TONSL: variants seen among roughly 807,000 people sequenced by gnomAD.
TONSL encodes the protein tonsoku-like protein.
In TONSL, 112 loss-of-function variants were observed where a neutral mutation model predicts 147.1. The observed-to-expected ratio is 0.76, with a 90% CI of 0.65 to 0.89. The LOEUF is 0.89. Ranked by LOEUF, TONSL falls within the 40% of genes least tolerant of loss-of-function variation. The pLI is 0.00. For synonymous variants in TONSL, 868 were observed against 801.5 expected, an observed-to-expected ratio of 1.08 and a Z score of -1.40; for missense variants, 1,883 against 1,864.6, an observed-to-expected ratio of 1.01 and a Z score of -0.18.
chr8:144,441,159 C>T (rs781167843), intron 7 of TONSL, 48 bp from the exon 8 acceptor site: 2 of 1,598,520 alleles, frequency 1.3e-6, no homozygotes, highest in South Asian at 2.2e-5. Context: ...GGGCCCTGAC[C>T]CCAGCTCTAC....
chr8:144,435,897 G>A lies in TONSL; in HGVS notation c.2536C>T (p.Arg846Cys), dbSNP rs552984347. Residue 846 changes from arginine (R) to cysteine (C), a missense_variant, in exon 17 of 26, where the codon CGC becomes TGC. Coordinates refer to ENST00000409379, the MANE Select transcript of TONSL (RefSeq NM_013432.5). ...LELDMPLTRSRRPRPRGTGDN... is the reference protein window; with the variant it reads ...LELDMPLTRSCRPRPRGTGDN... Reference sequence around the variant, plus strand: ...CCAGTGCCCCGGGGGCGGGGCCGGCGGCTGCGGGTCAGGGGCATGTCCAGC... The same window carrying A: ...CCAGTGCCCCGGGGGCGGGGCCGGCAGCTGCGGGTCAGGGGCATGTCCAGC... 24 of 1,596,286 alleles carry A rather than the reference G, an allele frequency of 1.5e-5. No individual in the cohort carries two copies. The East Asian group carries it at 2.0e-4, about 13-fold the overall frequency.
intron 16 of TONSL, 37 bp from the exon 17 acceptor site, chr8:144,436,455 G>T: frequency 6.5e-7 from 1 of 1,535,276 alleles, no homozygotes; most frequent in Non-Finnish European, 8.7e-7. Context: ...GCAGGGGCCC[G>T]GCACCTCCCG....
In TONSL at chr8:144,436,781, CG is replaced by C; in HGVS notation, c.1865del (p.Ala622GlyfsTer21). On this transcript the variant is annotated frameshift_variant, in exon 15 of 26. Transcript: ENST00000409379. LOFTEE classifies it high-confidence loss of function. Reference protein sequence around the residue: ...EVAELLLERGASVTLRTRKGL... With the variant: ...EVAELLLERGXSVTLRTRKGL... ...CCTTTCGAGTGCGGAGGGTGACGGA[CG>C]CCCCCCGTTCAAGCAGCAGCTCAGC... is the stretch of plus-strand genomic sequence containing the variant. 6.2e-7 allele frequency: 1 copy of C among 1,611,132 alleles called. No individual in the cohort carries two copies. Among genetic ancestry groups the C allele is most frequent in the South Asian group, 1.1e-5 (1 of 91,022 alleles).
rs1469360335 is a variant in TONSL at position 144,436,032 on chromosome 8, T to A, written c.2401A>T (p.Ser801Cys). 5 of 1,567,960 alleles carry A rather than the reference T, an allele frequency of 3.2e-6. No individual in the cohort carries two copies. Among genetic ancestry groups the A allele is most frequent in the Non-Finnish European group, 4.3e-6 (5 of 1,162,018 alleles). ...AYQAAIRGVG[S>C]AQSRLGPGPP... is the part of the protein sequence containing the mutation. The stretch of plus-strand genomic sequence containing the variant: ...CCAGGCCCCAGCCGGCTCTGAGCAC[T>A]GCCCACACCCCGGATGGCTGCCTGG... Residue 801 changes from serine to cysteine, a missense_variant, in exon 17 of 26, where the codon AGT becomes TGT. Transcript: ENST00000409379.
chr8:144,429,758 G>C (rs1823100382), intron 25 of TONSL, among the ~76,000 whole-genome samples: 1 of 152,164 alleles, frequency 6.6e-6, no homozygotes, highest in African/African-American at 2.4e-5. Flanking sequence ...TCTCACACCA[G>C]CACTCGGGGG....
At chr8:144,431,820 TTC>T (rs1447252919) in intron 23 of TONSL, among the ~76,000 whole-genome samples, 14 of 137,080 alleles carry the variant, frequency 1.0e-4, no homozygotes, top group African/African-American at 3.6e-4. Flanking sequence ...GCCTGTTTTT[TTC>T]TTTTTCTTTC....
At chr8:144,437,872 C>G (rs953357335) in intron 13 of TONSL, 1 of 157,532 alleles carries the variant, frequency 6.3e-6, no homozygotes, top group African/African-American at 2.4e-5. Flanking sequence ...TCCCAAAGTG[C>G]TAGGATTATA....
intron 25 of TONSL, 78 bp from the exon 26 acceptor site, chr8:144,429,414 C>T: frequency 1.5e-6 from 2 of 1,300,730 alleles, no homozygotes; most frequent in Non-Finnish European, 2.0e-6. Context: ...CTCCAGGGAA[C>T]AAACTCGCTT....
rs1205561108 is a variant in TONSL, at chr8:144,432,386, T to C, written c.3634A>G (p.Ser1212Gly). The change falls in exon 23 of 26, where the codon AGC becomes GGC. Residue 1212 changes from serine (S) to glycine (G), a missense_variant. Ser to Gly is a moderately conservative substitution (Grantham distance 56). Coordinates refer to ENST00000409379, the MANE Select transcript of TONSL (RefSeq NM_013432.5). ...GAPALARTLQSLPAGTLLHLE... is the reference protein window; with the variant it reads ...GAPALARTLQGLPAGTLLHLE... The stretch of plus-strand genomic sequence containing the variant: ...TGCAGGAGGGTGCCGGCGGGCAGGC[T>C]CTGCAGGGTCCTGGCCAGGGCAGGG... 8.1e-6 allele frequency: 13 copies of C among 1,611,314 alleles called. No homozygotes were observed. The highest frequency in any genetic ancestry group is 1.1e-5 in the Non-Finnish European group (13 of 1,178,990).
At position 144,436,300 on chromosome 8, in the gene TONSL, G is replaced by A. The variant is rs1251458949; in HGVS notation, c.2133C>T (p.Ala711=). Residue 711 remains alanine (A), a synonymous_variant, in exon 17 of 26, where the codon GCC becomes GCT. Transcript: ENST00000409379. Reference sequence around the variant, plus strand: ...GGGAGACCCTGACATGGGCCTGAGAGGCCTCTGGGAGTCTAGTGCTATTAG... The same window carrying A: ...GGGAGACCCTGACATGGGCCTGAGAAGCCTCTGGGAGTCTAGTGCTATTAG... ...PPSNSTRLPE[A]SQAHVRVSPG... 4.0e-6 allele frequency: 6 copies of A among 1,504,398 alleles called. No individual in the cohort carries two copies. The highest frequency in any genetic ancestry group is 1.4e-5 in the African/African-American group (1 of 71,954). The allele number at this position is 1,504,398 out of a possible 1,614,324, so 93.2% of individuals were successfully genotyped here. A position where few individuals can be genotyped will look rare whatever the true frequency, so the allele number is the denominator to read the frequency against.
rs144087630 is a variant in TONSL at position 144,434,175 on chromosome 8, G to C, written c.3190C>G (p.Arg1064Gly). 1 of 1,605,610 alleles carries C rather than the reference G, an allele frequency of 6.2e-7. No homozygotes were observed. Among genetic ancestry groups the C allele is most frequent in the Non-Finnish European group, 8.5e-7 (1 of 1,175,492 alleles). Residue 1064 changes from arginine (R) to glycine (G), a missense_variant, in exon 21 of 26, where the codon CGG becomes GGG. Physicochemically the swap from Arg to Gly is moderately radical, Grantham distance 125. Coordinates refer to ENST00000409379, the MANE Select transcript of TONSL (RefSeq NM_013432.5). ...LDQAQLTPLL[R>G]ALKLHTALRE... ...AGTGCTGTGTGCAGCTTGAGGGCCC[G>C]CAGCAGGGGTGTAAGCTGGGCCTGG...
rs757376878 is a variant in TONSL at position 144,434,907 on chromosome 8, G to T, written c.3007-18C>A. The T allele has an allele frequency of 1.9e-6, 3 of 1,613,098 alleles. No individual in the cohort carries two copies. The highest frequency in any genetic ancestry group is 1.7e-6 in the Non-Finnish European group (2 of 1,179,882). On this transcript the variant is annotated intron_variant, in intron 19 of 25. Coordinates refer to ENST00000409379, the MANE Select transcript of TONSL (RefSeq NM_013432.5). ...GCCAACACCTGGAAGGCACCGTCAT[G>T]AGCCACCTGGGGGCTCCCCCGGCTC...
At chr8:144,437,206 C>G (rs968641184) in intron 13 of TONSL, 107 bp from the exon 14 acceptor site, 5 of 1,139,034 alleles carry the variant, frequency 4.4e-6, no homozygotes, top group Middle Eastern at 5.0e-4. Flanking sequence ...GTCTTAGAGC[C>G]CAGAGCAAGT....
chr8:144,438,473 G>A lies in TONSL; in HGVS notation c.1651C>T (p.Gln551Ter), dbSNP rs1823562619. Reference sequence around the variant, plus strand: ...CCACGTCCCAGAGCGGGGCCCACCTGCCTCACAAGGTCCTGGACGCGGCGC... The same window carrying A: ...CCACGTCCCAGAGCGGGGCCCACCTACCTCACAAGGTCCTGGACGCGGCGC... The part of the protein sequence containing the change: ...QLRRVQDLVR[Q>*]GHPLNPRDYC... Residue 551 changes from glutamine to a stop codon, truncating the protein, a stop_gained and splice_region_variant, in exon 13 of 26, where the codon CAG (glutamine) becomes TAG (stop). Coordinates refer to ENST00000409379, the MANE Select transcript of TONSL (RefSeq NM_013432.5). LOFTEE classifies it high-confidence loss of function. 1 of 1,612,326 alleles carries A rather than the reference G, an allele frequency of 6.2e-7. No individual in the cohort carries two copies. The highest frequency in any genetic ancestry group is 1.1e-5 in the South Asian group (1 of 91,068).
At chr8:144,437,209 G>C (rs1272192620) in intron 13 of TONSL, 110 bp from the exon 14 acceptor site, 1 of 1,096,456 alleles carries the variant, frequency 9.1e-7, no homozygotes, top group African/African-American at 1.6e-5. Context: ...TTAGAGCCCA[G>C]AGCAAGTCCG....
rs762415067 is a variant in TONSL at position 144,442,669 on chromosome 8, G to A, written c.578+8C>T. ...TCCACTCCCTCCTGGGGCGGGGCAG[G>A]GCCTTACTCCGCAAGGAAGATGCTC... is the stretch of plus-strand genomic sequence containing the variant. On this transcript the variant is annotated splice_region_variant and intron_variant, in intron 5 of 25. Coordinates refer to ENST00000409379, the MANE Select transcript of TONSL (RefSeq NM_013432.5). 2 of 1,611,482 alleles carry A rather than the reference G, an allele frequency of 1.2e-6. No individual in the cohort carries two copies. Among genetic ancestry groups the A allele is most frequent in the East Asian group, 2.2e-5 (1 of 44,880 alleles).
At position 144,436,432 on chromosome 8, in the gene TONSL, A is replaced by C. The variant is rs1457370962; in HGVS notation, c.2015-14T>G. 2.0e-6 allele frequency: 3 copies of C among 1,522,372 alleles called. No individual in the cohort carries two copies. Among genetic ancestry groups the C allele is most frequent in the Non-Finnish European group, 2.6e-6 (3 of 1,139,718 alleles). The allele number at this position is 1,522,372 out of a possible 1,614,324, so 94.3% of individuals were successfully genotyped here. On this transcript the variant is annotated splice_polypyrimidine_tract_variant and intron_variant, in intron 16 of 25. Coordinates refer to ENST00000409379, the MANE Select transcript of TONSL (RefSeq NM_013432.5). ...AGCTGTGGGGATCTGTGGGAGAGAG[A>C]ATGCGTGTTGAGGCAGGGGCCCGGC...
Position 144,436,100 on chromosome 8 carries a change from C to A in TONSL, c.2333G>T (p.Ser778Ile). ...GCTGGCTGTGGCTGCTTCCCTGTTG[C>A]TGGCGGGGCCAGGCGTCCAGGCTGC... is the stretch of plus-strand genomic sequence containing the variant. ...RVAAWTPGPA[S>I]NREAATASTS... The change falls in exon 17 of 26, where the codon AGC (serine) becomes ATC (isoleucine). Residue 778 changes from serine (S) to isoleucine (I), a missense_variant. Ser to Ile is a moderately radical substitution (Grantham distance 142). Coordinates refer to ENST00000409379, the MANE Select transcript of TONSL (RefSeq NM_013432.5). 4 of 1,559,648 alleles carry A rather than the reference C, an allele frequency of 2.6e-6. No individual in the cohort carries two copies. Among genetic ancestry groups the A allele is most frequent in the Non-Finnish European group, 3.5e-6 (4 of 1,159,406 alleles).
chr8:144,434,909 G>C lies in TONSL; in HGVS notation c.3007-20C>G. 4 of 1,613,004 alleles carry C rather than the reference G, an allele frequency of 2.5e-6. No individual in the cohort carries two copies. The highest frequency in any genetic ancestry group is 3.4e-6 in the Non-Finnish European group (4 of 1,179,852). On this transcript the variant is annotated intron_variant, in intron 19 of 25. Transcript: ENST00000409379. ...CAACACCTGGAAGGCACCGTCATGA[G>C]CCACCTGGGGGCTCCCCCGGCTCAC...
Sources: gnomAD v4.1 joint callset for allele counts (sites outside exome capture counted in the v4.1 genomes callset) on GRCh38, gnomAD v4.1.1 for gene constraint, MANE v1.5 for transcripts, NCBI Gene and HGNC (gene_info 2026-07-23, HGNC 2026-07-21) for gene names.